Variants in POLN observed in about 807,000 individuals in gnomAD.
POLN encodes the protein DNA polymerase nu, also known as DNA polymerase N.
POLN carries 108 observed loss-of-function variants against 113.5 expected under a neutral mutation model. That is an observed-to-expected ratio of 0.95 (90% CI 0.81 to 1.12). The LOEUF is 1.12. Ranked by LOEUF, POLN falls within the 50% of genes most tolerant of loss-of-function variation. The pLI, the probability that POLN is intolerant of heterozygous loss-of-function variation, is 0.00. For synonymous variants in POLN, 386 were observed against 391.5 expected (o/e 0.99, Z 0.17); for missense variants, 1,097 against 1,077.1 (o/e 1.02, Z -0.26).
chr4:2,239,030 T>G (rs1192158346), intron 2 of POLN: 1 of 1,531,184 alleles, frequency 6.5e-7, no homozygotes. Context: ...ATCCAAATTT[T>G]CTTTGTCCAC....
chr4:2,159,784 C>A (rs1732531761), intron 13 of POLN, among the ~76,000 whole-genome samples: 1 of 152,132 alleles, frequency 6.6e-6, no homozygotes, highest in Non-Finnish European at 1.5e-5. Context: ...GTCGTTGGTC[C>A]AATATCATTT....
At chr4:2,144,015 A>G in intron 16 of POLN, among the ~76,000 whole-genome samples, 1 of 152,000 alleles carries the variant, frequency 6.6e-6, no homozygotes, top group East Asian at 1.9e-4. Context: ...AACTTAATAT[A>G]TTGTCTTCAA....
chr4:2,229,656 C>T (rs922992418), intron 2 of POLN: 3 of 152,802 alleles, frequency 2.0e-5, no homozygotes, highest in African/African-American at 7.3e-5. Flanking sequence ...GAAACCCCGT[C>T]TCTACTAAAA....
At chr4:2,157,722 C>CAAA (rs71644319) in intron 15 of POLN, 136 bp downstream of exon 15, 38 of 134,678 alleles carry the variant, frequency 2.8e-4, no homozygotes, top group South Asian at 7.7e-4. Context: ...GACTCTGTCT[C>CAAA]AAAAAAAAAA....
At chr4:2,114,201 C>T (rs559525473) in intron 19 of POLN, among the ~76,000 whole-genome samples, 124 of 151,860 alleles carry the variant, frequency 8.2e-4, no homozygotes, top group African/African-American at 2.9e-3. Flanking sequence ...GCCCAGCCTG[C>T]TAATAGTCTT....
intron 2 of POLN, among the ~76,000 whole-genome samples, chr4:2,234,944 G>T (rs1364648044): frequency 1.3e-5 from 2 of 152,206 alleles, no homozygotes; most frequent in Non-Finnish European, 2.9e-5. Context: ...GGAGTGCAGT[G>T]GCGCGATCTT....
chr4:2,147,937 C>T (rs1395438751), intron 16 of POLN, among the ~76,000 whole-genome samples: 2 of 152,074 alleles, frequency 1.3e-5, no homozygotes, highest in Non-Finnish European at 2.9e-5. Context: ...GCCACCGTGC[C>T]CAGCCCGGTT....
At chr4:2,083,950 C>T (rs972661874) in intron 21 of POLN, among the ~76,000 whole-genome samples, 6 of 152,242 alleles carry the variant, frequency 3.9e-5, no homozygotes, top group Admixed American at 1.3e-4. Context: ...GACCTTGGGA[C>T]GGCCAGCGTC....
intron 16 of POLN, chr4:2,140,744 T>C (rs1031539327): frequency 2.0e-5 from 3 of 151,596 alleles, no homozygotes; most frequent in African/African-American, 7.3e-5. Context: ...TGAGATTCTG[T>C]CTCGGGGAAA....
intron 15 of POLN, 90 bp from the exon 16 acceptor site, chr4:2,156,943 C>T (rs1732449839): frequency 9.7e-7 from 1 of 1,034,778 alleles, no homozygotes. Context: ...ACATGCAACA[C>T]TCGCTGCTCC....
chr4:2,096,618 A>G (rs1431953157), intron 19 of POLN, among the ~76,000 whole-genome samples: 1 of 150,694 alleles, frequency 6.6e-6, no homozygotes, highest in African/African-American at 2.4e-5. Flanking sequence ...CTGCTTTTGT[A>G]AACATCCTTA....
intron 3 of POLN, among the ~76,000 whole-genome samples, chr4:2,225,130 A>G (rs1016670038): frequency 6.6e-6 from 1 of 152,182 alleles, no homozygotes; most frequent in African/African-American, 2.4e-5. Context: ...TATAAATTAT[A>G]ATCATAGAAA....
chr4:2,078,473 CTTTT>C (rs943435658), intron 23 of POLN: 153 of 529,970 alleles, frequency 2.9e-4, no homozygotes, highest in Non-Finnish European at 3.3e-4. Flanking sequence ...TCTTCTTCTT[CTTTT>C]TTTTTTTTTT....
intron 13 of POLN, among the ~76,000 whole-genome samples, chr4:2,165,970 TCTCA>T (rs941981347): frequency 6.6e-6 from 1 of 152,080 alleles, no homozygotes; most frequent in African/African-American, 2.4e-5. Context: ...AGAGAAATGG[TCTCA>T]CTATGTTGCC....
At chr4:2,223,803 T>C (rs1016463870) in intron 3 of POLN, among the ~76,000 whole-genome samples, 2 of 152,190 alleles carry the variant, frequency 1.3e-5, no homozygotes, top group Non-Finnish European at 2.9e-5. Context: ...GGTACTTATA[T>C]AGGGCACTTA....
Position 2,092,495 on chromosome 4 carries a change from C to T in POLN, c.2065+3356G>A, listed in dbSNP as rs530061326. ...AGCCAGCCTCTGGGGTCAAGGCTCC[C>T]AGACAGTGGCTGCTCTGTTACTCCA... On this transcript the variant is annotated intron_variant, in intron 20 of 25. Coordinates refer to ENST00000511885, the MANE Select transcript of POLN (RefSeq NM_181808.4). 2.6e-4 allele frequency among the ~76,000 whole-genome samples: 39 copies of T among 152,276 alleles called. 1 individual carries two copies. The highest frequency in any genetic ancestry group is 9.4e-4 in the African/African-American group (39 of 41,554).
intron 16 of POLN, among the ~76,000 whole-genome samples, chr4:2,149,442 T>C (rs936178444): frequency 1.3e-5 from 2 of 152,116 alleles, no homozygotes; most frequent in Non-Finnish European, 2.9e-5. Flanking sequence ...TTAAAGGATG[T>C]CCTTTAGGCA....
chr4:2,109,307 T>C (rs957768744), intron 19 of POLN, among the ~76,000 whole-genome samples: 1 of 152,128 alleles, frequency 6.6e-6, no homozygotes, highest in Non-Finnish European at 1.5e-5. Context: ...TAGGAAAAAA[T>C]AATGTATGGT....
intron 19 of POLN, among the ~76,000 whole-genome samples, chr4:2,123,433 C>A (rs934875176): frequency 6.6e-6 from 1 of 151,888 alleles, no homozygotes; most frequent in Non-Finnish European, 1.5e-5. Context: ...CAAGACCAGC[C>A]TGGCCAACAT....
Sources: gnomAD v4.1 joint callset for allele counts (sites outside exome capture counted in the v4.1 genomes callset) on GRCh38, gnomAD v4.1.1 for gene constraint, MANE v1.5 for transcripts, NCBI Gene and HGNC (gene_info 2026-07-23, HGNC 2026-07-21) for gene names.